TIAM1: variants seen among roughly 807,000 people sequenced by gnomAD.
TIAM1 encodes the protein rho guanine nucleotide exchange factor TIAM1.
TIAM1 carries 65 observed loss-of-function variants against 163.5 expected under a neutral mutation model. That is an observed-to-expected ratio of 0.40 (90% confidence interval 0.33 to 0.49). The LOEUF is 0.49. Among genes scored for constraint, TIAM1 ranks in the 20% least tolerant of loss-of-function variants. The probability of loss-of-function intolerance (pLI) is 0.77; values close to 1 mark genes in which losing one functional copy is unlikely to be tolerated. For missense variants in TIAM1, 1,789 were observed against 2,044.7 expected (o/e 0.87, Z 2.41); for synonymous variants, 833 against 810.1 (o/e 1.03, Z -0.48).
At chr21:31,389,079 C>T (rs965735213) in intron 2 of TIAM1, among the ~76,000 whole-genome samples, 1 of 152,202 alleles carries the variant, frequency 6.6e-6, no homozygotes, top group Non-Finnish European at 1.5e-5. Context: ...GTAATACATA[C>T]GTGAATGGGT....
chr21:31,558,660 G>T (rs1265041679), intron 1 of TIAM1, among the ~76,000 whole-genome samples: 1 of 152,170 alleles, frequency 6.6e-6, no homozygotes, highest in Non-Finnish European at 1.5e-5. Flanking sequence ...CACCTGGGCT[G>T]CACGGTCTCG....
At chr21:31,346,373 A>C (rs1173245054), upstream of TIAM1, among the ~76,000 whole-genome samples, 1 of 152,200 alleles carries the variant, frequency 6.6e-6, no homozygotes, top group Non-Finnish European at 1.5e-5. Context: ...AGAACCATAC[A>C]TATGGGCTCA....
rs56061199 is a variant in TIAM1, at chr21:31,488,587, G to A, written c.-421-24552C>T. On this transcript the variant is annotated intron_variant, in intron 1 of 28. Transcript: ENST00000286827. ...GCTGGGGAGGCCTCACTATCACAGC[G>A]GAAGGTGAAGGAGGAGCAAACTCAT... 4.9e-3 allele frequency among the ~76,000 whole-genome samples: 746 copies of A among 152,310 alleles called. 2 individuals are homozygous for A. The highest frequency in any genetic ancestry group is 0.011 in the South Asian group (51 of 4,820).
At chr21:31,494,048 G>T (rs1440021319) in intron 1 of TIAM1, among the ~76,000 whole-genome samples, 1 of 152,166 alleles carries the variant, frequency 6.6e-6, no homozygotes, top group East Asian at 1.9e-4. Context: ...CCCAGTAGCT[G>T]GGATTACAGG....
intron 2 of TIAM1, among the ~76,000 whole-genome samples, chr21:31,290,387 A>C (rs2073972881): frequency 6.6e-6 from 1 of 151,970 alleles, no homozygotes; most frequent in African/African-American, 2.4e-5. Flanking sequence ...TAATTCTATC[A>C]CTTTGAGAGG....
At position 31,243,189 on chromosome 21, in the gene TIAM1, T is replaced by C. The variant is rs1165050024; in HGVS notation, c.1584+2299A>G. Among the ~76,000 whole-genome samples, 73 of 40,166 alleles carry C rather than the reference T, an allele frequency of 1.8e-3. 1 individual carries two copies. Among genetic ancestry groups the C allele is most frequent in the Admixed American group, 3.8e-4 (1 of 2,606 alleles). The allele number at this position is 40,166 out of a possible 152,430, so 26.4% of individuals were successfully genotyped here. ...CCTGGGCAACAAAAGCAAAACTTCA[T>C]CTCAAAAAAAAAAAAAAAAAATATA... On this transcript the variant is annotated intron_variant, in intron 6 of 27. Coordinates refer to ENST00000541036, the MANE Select transcript of TIAM1 (RefSeq NM_001353694.2).
chr21:31,467,315 G>A (rs927583065), intron 1 of TIAM1, among the ~76,000 whole-genome samples: 1 of 151,730 alleles, frequency 6.6e-6, no homozygotes, highest in Admixed American at 6.6e-5. Context: ...CTGAGTGGCA[G>A]AGTGAGAGTC....
chr21:31,297,614 C>T (rs564987821), intron 2 of TIAM1, among the ~76,000 whole-genome samples: 25 of 152,242 alleles, frequency 1.6e-4, no homozygotes, highest in African/African-American at 6.0e-4. Flanking sequence ...GAACTCCCGA[C>T]CTCAGGTGAT....
intron 2 of TIAM1, among the ~76,000 whole-genome samples, chr21:31,444,973 G>A (rs1180675719): frequency 1.3e-5 from 2 of 151,454 alleles, no homozygotes; most frequent in Non-Finnish European, 2.9e-5. Flanking sequence ...ACTTCAGCCT[G>A]GGCAACAAGA....
intron 1 of TIAM1, among the ~76,000 whole-genome samples, chr21:31,534,941 C>T (rs1376974080): frequency 6.6e-6 from 1 of 152,044 alleles, no homozygotes; most frequent in Non-Finnish European, 1.5e-5. Context: ...CCCATCTCTA[C>T]AAAAAATTAG....
rs1431156615 is a variant in TIAM1 at position 31,503,441 on chromosome 21, A to AGAAG, written c.-421-39410_-421-39407dup. 5.2e-3 allele frequency among the ~76,000 whole-genome samples: 441 copies of AGAAG among 84,752 alleles called. 9 individuals are homozygous for AGAAG. The highest frequency in any genetic ancestry group is 0.011 in the African/African-American group (195 of 18,558). The allele number at this position is 84,752 out of a possible 152,430, so 55.6% of individuals were successfully genotyped here. A position where few individuals can be genotyped will look rare whatever the true frequency, so the allele number is the denominator to read the frequency against. On this transcript the variant is annotated intron_variant, in intron 1 of 28. Transcript: ENST00000286827. ...AAGAGGAGAAAGAGAGAGGAAGGAA[A>AGAAG]GAAGGAAGGAAGGAAGGGAGGGAGG... is the stretch of plus-strand genomic sequence containing the variant.
intron 13 of TIAM1, among the ~76,000 whole-genome samples, chr21:31,191,153 A>G (rs2085540867): frequency 6.6e-6 from 1 of 151,942 alleles, no homozygotes; most frequent in Non-Finnish European, 1.5e-5. Context: ...CATGAGTGGC[A>G]GGCTTTTCTT....
At chr21:31,409,298 C>T (rs914414731) in intron 2 of TIAM1, among the ~76,000 whole-genome samples, 1 of 151,886 alleles carries the variant, frequency 6.6e-6, no homozygotes, top group African/African-American at 2.4e-5. Flanking sequence ...TTAGTAGAGA[C>T]GGGGTTTCAC....
At chr21:31,394,934 T>C (rs902289131) in intron 2 of TIAM1, among the ~76,000 whole-genome samples, 1 of 152,064 alleles carries the variant, frequency 6.6e-6, no homozygotes, top group Non-Finnish European at 1.5e-5. Context: ...GCTACAGGCA[T>C]TATTATAAAA....
chr21:31,204,003 A>AT (rs1270110472), intron 11 of TIAM1, among the ~76,000 whole-genome samples: 2 of 152,294 alleles, frequency 1.3e-5, no homozygotes, highest in African/African-American at 2.4e-5. Flanking sequence ...GGAACAATAG[A>AT]TTTTTTCTTC....
intron 2 of TIAM1, among the ~76,000 whole-genome samples, chr21:31,424,012 C>T (rs755148973): frequency 2.0e-5 from 3 of 152,152 alleles, no homozygotes; most frequent in East Asian, 1.9e-4. Context: ...ATGAATTGCA[C>T]GGTGTGTGAA....
chr21:31,412,638 C>T lies in TIAM1; in HGVS notation c.-369+51345G>A, dbSNP rs140039472. Among the ~76,000 whole-genome samples the T allele has an allele frequency of 1.1e-3, 165 of 151,870 alleles. 1 individual carries two copies. Among genetic ancestry groups the T allele is most frequent in the African/African-American group, 3.5e-3 (146 of 41,412 alleles). On this transcript the variant is annotated intron_variant, in intron 2 of 28. Coordinates refer to the TIAM1 transcript ENST00000286827. The stretch of plus-strand genomic sequence containing the variant: ...CTCTACTAAAAATACAAAAATTAGC[C>T]GGGCATGATAGTGCATGCCTGGAAT...
At chr21:31,354,804 C>T (rs1325402602) in intron 2 of TIAM1, among the ~76,000 whole-genome samples, 1 of 152,192 alleles carries the variant, frequency 6.6e-6, no homozygotes, top group African/African-American at 2.4e-5. Flanking sequence ...TCTCAGATGC[C>T]TGGTTTCTGA....
chr21:31,453,193 A>G (rs1256600182), intron 2 of TIAM1: 1 of 264,262 alleles, frequency 3.8e-6, no homozygotes, highest in African/African-American at 2.3e-5. Flanking sequence ...GGAAAAACTT[A>G]AAGTTGCCTA....
Sources: allele counts gnomAD v4.1 joint callset (sites outside exome capture counted in the v4.1 genomes callset), GRCh38; gene constraint gnomAD v4.1.1; transcripts MANE v1.5; gene names NCBI Gene and HGNC (gene_info 2026-07-23, HGNC 2026-07-21).